The following NDUFAB1 variants were observed in gnomAD, a reference collection of about 807,000 sequenced individuals.
NDUFAB1 encodes the protein NADH:ubiquinone oxidoreductase subunit AB1, also known as acyl carrier protein, mitochondrial.
Under a neutral mutation model 16.1 loss-of-function variants are expected in NDUFAB1, and 5 were observed. The observed-to-expected ratio is 0.31, with a 90% CI of 0.16 to 0.65. The LOEUF (loss-of-function observed/expected upper bound fraction) is 0.65. Among genes scored for constraint, NDUFAB1 ranks in the 30% least tolerant of loss-of-function variants. The pLI, the probability that NDUFAB1 is intolerant of heterozygous loss-of-function variation, is 0.77. For synonymous variants in NDUFAB1, 85 were observed against 78.4 expected (o/e 1.08, Z -0.44); for missense variants, 187 against 205.3 (o/e 0.91, Z 0.54).
At chr16:23,596,041 G>A in intron 1 of NDUFAB1, 82 bp downstream of exon 1, 4 of 1,488,876 alleles carry the variant, frequency 2.7e-6, no homozygotes, top group Non-Finnish European at 3.6e-6. Context: ...TGCAGCTGGC[G>A]CGCCCCGGAT....
intron 1 of NDUFAB1, among the ~76,000 whole-genome samples, chr16:23,593,420 A>G (rs1966296042): frequency 6.6e-6 from 1 of 152,240 alleles, no homozygotes; most frequent in East Asian, 1.9e-4. Flanking sequence ...GATGTAAGCT[A>G]ATGTCTTCCT....
chr16:23,585,298 CA>C, intron 3 of NDUFAB1, 37 bp downstream of exon 3: 1 of 1,445,296 alleles, frequency 6.9e-7, no homozygotes, highest in Non-Finnish European at 9.7e-7. Context: ...CCACCTTAAT[CA>C]AAAATCGCAG....
intron 2 of NDUFAB1, among the ~76,000 whole-genome samples, chr16:23,586,222 G>GGCCAA (rs1174394243): frequency 6.6e-6 from 1 of 151,692 alleles, no homozygotes; most frequent in East Asian, 1.9e-4. Flanking sequence ...CACTGCGCCT[G>GGCCAA]GCCAAAGTGT....
chr16:23,589,372 C>A (rs1179144530), intron 1 of NDUFAB1, among the ~76,000 whole-genome samples: 1 of 151,558 alleles, frequency 6.6e-6, no homozygotes, highest in Non-Finnish European at 1.5e-5. Context: ...GATATTCTAA[C>A]GAGCCTTTCT....
intron 1 of NDUFAB1, 87 bp downstream of exon 1, chr16:23,596,036 C>T: frequency 2.0e-6 from 3 of 1,479,118 alleles, no homozygotes; most frequent in Non-Finnish European, 9.0e-7. Flanking sequence ...CTGCCTGCAG[C>T]TGGCGCGCCC....
Position 23,593,739 on chromosome 16 carries a change from TGA to T in NDUFAB1, c.168+2382_168+2383del, listed in dbSNP as rs1289952000. Among the ~76,000 whole-genome samples the T allele has an allele frequency of 2.6e-5, 4 of 152,312 alleles. No individual in the cohort carries two copies. The East Asian group carries it at 7.7e-4, about 29-fold the overall frequency. ...TAAGTGATCTGTATGTCCAATCAAC[TGA>T]GAATCAATGCTGTAAGAACAAAGAC... is the stretch of plus-strand genomic sequence containing the variant. On this transcript the variant is annotated intron_variant, in intron 1 of 4. Transcript: ENST00000007516.
At chr16:23,586,968 G>A (rs1006302907) in intron 2 of NDUFAB1, among the ~76,000 whole-genome samples, 1 of 152,208 alleles carries the variant, frequency 6.6e-6, no homozygotes, top group African/African-American at 2.4e-5. Context: ...TTTAAAAAGG[G>A]TGAGAGATAC....
At chr16:23,590,713 C>G (rs1438060693) in intron 1 of NDUFAB1, among the ~76,000 whole-genome samples, 1 of 148,126 alleles carries the variant, frequency 6.8e-6, no homozygotes, top group Non-Finnish European at 1.5e-5. Context: ...CTTGGCTCAC[C>G]ACAACTTCTG....
At chr16:23,591,711 C>T (rs138344602) in intron 1 of NDUFAB1, among the ~76,000 whole-genome samples, 6 of 152,310 alleles carry the variant, frequency 3.9e-5, no homozygotes, top group African/African-American at 1.4e-4. Flanking sequence ...AACAATGTTC[C>T]CTTCCAGACA....
chr16:23,593,543 G>T (rs1002047984), intron 1 of NDUFAB1, among the ~76,000 whole-genome samples: 7 of 152,134 alleles, frequency 4.6e-5, no homozygotes, highest in Non-Finnish European at 1.0e-4. Context: ...TAAATAAAAT[G>T]GTTCCTCTGC....
At chr16:23,585,560 G>T (rs1241495624) in intron 2 of NDUFAB1, 137 bp from the exon 3 acceptor site, 1 of 631,956 alleles carries the variant, frequency 1.6e-6, no homozygotes, top group African/African-American at 1.8e-5. Flanking sequence ...TGTGCACAAC[G>T]TGCAGGTTTG....
At chr16:23,591,463 G>A (rs538614033) in intron 1 of NDUFAB1, among the ~76,000 whole-genome samples, 29 of 152,278 alleles carry the variant, frequency 1.9e-4, no homozygotes, top group Admixed American at 1.1e-3. Context: ...ACAAACTGCC[G>A]ACTGGTCCAC....
chr16:23,581,546 T>TA (rs60306232), intron 4 of NDUFAB1, among the ~76,000 whole-genome samples: 3,891 of 122,948 alleles, frequency 0.032, 70 homozygotes, highest in African/African-American at 0.056. Flanking sequence ...GTTCCATCTT[T>TA]AAAAAAAAAA....
intron 1 of NDUFAB1, among the ~76,000 whole-genome samples, chr16:23,595,113 T>C (rs999484157): frequency 8.6e-5 from 13 of 151,858 alleles, no homozygotes; most frequent in Admixed American, 2.0e-4. Context: ...TAGCCGGGCA[T>C]GGTGGCGGGC....
chr16:23,595,726 C>T (rs756131479), intron 1 of NDUFAB1: 7 of 464,056 alleles, frequency 1.5e-5, no homozygotes, highest in Non-Finnish European at 2.9e-5. Context: ...TTGCATGCTG[C>T]TTTCACTACA....
At chr16:23,586,032 A>G (rs1483318818) in intron 2 of NDUFAB1, among the ~76,000 whole-genome samples, 5 of 152,004 alleles carry the variant, frequency 3.3e-5, no homozygotes, top group Non-Finnish European at 5.9e-5. Context: ...GGTTCAAGCA[A>G]TTCTCACCCC....
intron 1 of NDUFAB1, chr16:23,595,636 G>A (rs1319524876): frequency 4.4e-6 from 2 of 457,446 alleles, no homozygotes; most frequent in Non-Finnish European, 8.8e-6. Flanking sequence ...CAGGCAGAAG[G>A]TGCTGCAGGG....
chr16:23,589,222 G>T (rs1333239323), intron 1 of NDUFAB1, among the ~76,000 whole-genome samples: 12 of 151,264 alleles, frequency 7.9e-5, no homozygotes, highest in African/African-American at 2.9e-4. Flanking sequence ...CTTGAACTTG[G>T]GAGTCGGAGG....
At chr16:23,595,168 C>T (rs770538149) in intron 1 of NDUFAB1, among the ~76,000 whole-genome samples, 1 of 152,050 alleles carries the variant, frequency 6.6e-6, no homozygotes, top group South Asian at 2.1e-4. Context: ...AGGAGAATTG[C>T]TTGAACCTGA....
Sources: allele counts gnomAD v4.1 joint callset (sites outside exome capture counted in the v4.1 genomes callset), GRCh38; gene constraint gnomAD v4.1.1; transcripts MANE v1.5; gene names NCBI Gene and HGNC (gene_info 2026-07-23, HGNC 2026-07-21).